Variants in DMD observed in about 807,000 individuals in gnomAD.
The protein encoded by DMD is dystrophin.
Under a neutral mutation model 330.1 loss-of-function variants are expected in DMD, and 63 were observed. The observed-to-expected ratio is 0.19, with a 90% CI of 0.16 to 0.24. The LOEUF is 0.24. Among genes scored for constraint, DMD ranks in the 10% least tolerant of loss-of-function variants. The pLI is 1.00. For missense variants in DMD, 3,344 were observed against 2,684.1 expected (o/e 1.25, Z -5.43); for synonymous variants, 1,223 against 959.8 (o/e 1.27, Z -5.07).
At chrX:31,712,780 T>C (rs1375309721) in intron 52 of DMD, among the ~76,000 whole-genome samples, 1 of 111,630 alleles carries the variant, frequency 9.0e-6, no homozygotes, top group Non-Finnish European at 1.9e-5. Flanking sequence ...TCTGTTCAAG[T>C]AGGTTGTTCT....
At chrX:32,406,648 G>A (rs767130843) in intron 30 of DMD, among the ~76,000 whole-genome samples, 10 of 110,671 alleles carry the variant, frequency 9.0e-5, no homozygotes, top group East Asian at 2.8e-4. Flanking sequence ...TGCTGGATTC[G>A]GTTTGCCAGT....
chrX:32,351,147 C>A (rs1329008224), intron 37 of DMD, among the ~76,000 whole-genome samples: 1 of 110,748 alleles, frequency 9.0e-6, no homozygotes, highest in African/African-American at 3.3e-5. Context: ...CTATTATTTT[C>A]TCTCAAACTT....
chrX:32,108,086 G>T (rs1002527902), intron 44 of DMD, among the ~76,000 whole-genome samples: 4 of 111,502 alleles, frequency 3.6e-5, no homozygotes, highest in Non-Finnish European at 5.7e-5. Context: ...AAATGATTTA[G>T]GATGAACTGT....
At chrX:31,393,475 TCAAAAAAAAAAAAAAA>T in intron 60 of DMD, among the ~76,000 whole-genome samples, 1 of 60,873 alleles carries the variant, frequency 1.6e-5, no homozygotes, top group East Asian at 5.7e-4. Flanking sequence ...AGACTCCATC[TCAAAAAAAAAAAAAAA>T]CAAAAAAAAA....
intron 3 of DMD, among the ~76,000 whole-genome samples, chrX:32,848,502 A>G (rs2080873062): frequency 8.9e-6 from 1 of 111,821 alleles, no homozygotes; most frequent in South Asian, 3.7e-4. Flanking sequence ...TAAAGTTATT[A>G]TTTCAATATG....
intron 45 of DMD, among the ~76,000 whole-genome samples, chrX:31,955,276 T>C (rs1181343425): frequency 8.9e-6 from 1 of 112,073 alleles, no homozygotes; most frequent in Admixed American, 9.5e-5. Flanking sequence ...GCTGTTAAAC[T>C]GGCAAATAAT....
chrX:32,631,362 G>C (rs1031198379), intron 11 of DMD, among the ~76,000 whole-genome samples: 2 of 111,312 alleles, frequency 1.8e-5, no homozygotes, highest in Non-Finnish European at 3.8e-5. Context: ...CAGGGCCCAA[G>C]GACTCTACAA....
chrX:32,939,149 T>C (rs2090218009), intron 2 of DMD, among the ~76,000 whole-genome samples: 1 of 108,849 alleles, frequency 9.2e-6, no homozygotes, highest in Non-Finnish European at 1.9e-5. Context: ...AATACTTCTT[T>C]CTTTTTGTTC....
intron 7 of DMD, among the ~76,000 whole-genome samples, chrX:32,732,637 C>A (rs1463764165): frequency 9.0e-6 from 1 of 110,908 alleles, no homozygotes. Flanking sequence ...AATTTTCAAC[C>A]CAGAATTTCA....
At chrX:32,519,710 C>A (rs1603635378) in intron 17 of DMD, among the ~76,000 whole-genome samples, 1 of 111,869 alleles carries the variant, frequency 8.9e-6, no homozygotes, top group East Asian at 2.8e-4. Context: ...TATATCACAA[C>A]CTAATTACTA....
At chrX:33,304,438 C>T (rs1381504230) in intron 1 of DMD, among the ~76,000 whole-genome samples, 21 of 110,738 alleles carry the variant, frequency 1.9e-4, no homozygotes, top group East Asian at 1.4e-3. Flanking sequence ...AAGACTTAAA[C>T]GTTAGACCTA....
intron 1 of DMD, among the ~76,000 whole-genome samples, chrX:33,037,560 A>G (rs1332026674): frequency 2.7e-5 from 3 of 111,431 alleles, no homozygotes; most frequent in African/African-American, 9.8e-5. Context: ...ATTCACAAAC[A>G]CAGATAGGGG....
At chrX:32,166,028 C>A (rs149727755) in intron 44 of DMD, among the ~76,000 whole-genome samples, 2,241 of 111,438 alleles carry the variant, frequency 0.02, 89 homozygotes, top group Admixed American at 0.14. Context: ...TCAATTAAAC[C>A]TCTTTCCTTT....
chrX:33,124,231 A>G, intron 1 of DMD, among the ~76,000 whole-genome samples: 1 of 109,382 alleles, frequency 9.1e-6, no homozygotes, highest in Non-Finnish European at 1.9e-5. Context: ...TAACCCCAGC[A>G]CTTTGGGAGG....
rs189038036 is a variant in DMD at position 31,928,777 on chromosome X, G to C, written c.6912+819C>G. 5.4e-5 allele frequency among the ~76,000 whole-genome samples: 6 copies of C among 111,654 alleles called. No homozygotes were observed. In the East Asian group the frequency reaches 1.4e-3, roughly 26 times the overall value. On this transcript the variant is annotated intron_variant, in intron 47 of 78. Transcript: ENST00000357033. ...TACGATTGAATTGTTCACTTTAAATGAGTTTAATGGTATGTGAATTATAGC... is the reference window on the plus strand; with the variant it reads ...TACGATTGAATTGTTCACTTTAAATCAGTTTAATGGTATGTGAATTATAGC...
intron 2 of DMD, among the ~76,000 whole-genome samples, chrX:32,935,345 A>G (rs988222261): frequency 4.5e-5 from 5 of 112,270 alleles, no homozygotes; most frequent in African/African-American, 6.5e-5. Context: ...TATAATAACT[A>G]TGGCTGCTTT....
At chrX:32,928,180 A>G (rs7060888) in intron 2 of DMD, among the ~76,000 whole-genome samples, 24,739 of 110,102 alleles carry the variant, frequency 0.22, 2,402 homozygotes, top group African/African-American at 0.36. Flanking sequence ...AAATGACTTT[A>G]TTCGATCTCT....
chrX:31,914,760 G>A (rs1416585277), intron 47 of DMD, among the ~76,000 whole-genome samples: 1 of 112,107 alleles, frequency 8.9e-6, no homozygotes, highest in African/African-American at 3.2e-5. Flanking sequence ...CGGGGAGGGG[G>A]CAGCGGGATG....
chrX:31,786,539 A>C (rs906443186), intron 50 of DMD, among the ~76,000 whole-genome samples: 1 of 111,368 alleles, frequency 9.0e-6, no homozygotes, highest in Non-Finnish European at 1.9e-5. Context: ...TCCTCATTGC[A>C]ATATTTGTGG....
Sources: gnomAD v4.1 joint callset for allele counts (sites outside exome capture counted in the v4.1 genomes callset) on GRCh38, gnomAD v4.1.1 for gene constraint, MANE v1.5 for transcripts, NCBI Gene and HGNC (gene_info 2026-07-23, HGNC 2026-07-21) for gene names.